ADCY1: variants seen among roughly 807,000 people sequenced by gnomAD.
The protein encoded by ADCY1 is adenylate cyclase 1.
In ADCY1, 28 loss-of-function variants were observed where a neutral mutation model predicts 105.4. That is an observed-to-expected ratio of 0.27 (90% CI 0.20 to 0.36). ADCY1 has a LOEUF of 0.36. ADCY1 is among the 10% of genes least tolerant of loss of function. The pLI is 1.00. For missense variants in ADCY1, 977 were observed against 1,434.2 expected (o/e 0.68, Z 5.15); for synonymous variants, 655 against 623.8 (o/e 1.05, Z -0.75).
At chr7:45,704,358 T>A (rs950096946) in intron 16 of ADCY1, among the ~76,000 whole-genome samples, 160 bp from the exon 17 acceptor site, 2 of 152,196 alleles carry the variant, frequency 1.3e-5, no homozygotes, top group Non-Finnish European at 2.9e-5. Context: ...TCACCTCTTC[T>A]TGCCAGTGTA....
chr7:45,660,534 G>C (rs903460161), intron 7 of ADCY1, among the ~76,000 whole-genome samples: 119 of 152,348 alleles, frequency 7.8e-4, no homozygotes, highest in Non-Finnish European at 2.9e-5. Context: ...GAACTGAGGG[G>C]TGCTGGGCAC....
chr7:45,699,032 G>A (rs1168831975), intron 14 of ADCY1, among the ~76,000 whole-genome samples: 1 of 152,204 alleles, frequency 6.6e-6, no homozygotes, highest in Non-Finnish European at 1.5e-5. Flanking sequence ...ACCAACTCAT[G>A]GTGTGAGGCC....
chr7:45,603,761 A>G (rs1793305448), intron 2 of ADCY1, among the ~76,000 whole-genome samples: 2 of 152,238 alleles, frequency 1.3e-5, no homozygotes. Flanking sequence ...CATTTCTTTA[A>G]ATTTGTGATT....
intron 14 of ADCY1, among the ~76,000 whole-genome samples, chr7:45,689,721 T>G (rs916118098): frequency 6.6e-6 from 1 of 152,182 alleles, no homozygotes; most frequent in African/African-American, 2.4e-5. Flanking sequence ...ACCAGAGGAA[T>G]GCAGGCTGTG....
chr7:45,655,440 TC>T (rs780910737), intron 5 of ADCY1, among the ~76,000 whole-genome samples: 1 of 152,148 alleles, frequency 6.6e-6, no homozygotes, highest in Non-Finnish European at 1.5e-5. Flanking sequence ...GCCAAGAAAG[TC>T]CGTGGAAATT....
At chr7:45,676,450 G>C (rs1284278808) in intron 8 of ADCY1, among the ~76,000 whole-genome samples, 1 of 151,958 alleles carries the variant, frequency 6.6e-6, no homozygotes, top group Non-Finnish European at 1.5e-5. Flanking sequence ...AGACATTTGG[G>C]TATTATGTTG....
At position 45,577,868 on chromosome 7, in the gene ADCY1, C is replaced by A. The variant is rs933450606; in HGVS notation, c.639+2686C>A. On this transcript the variant is annotated intron_variant, in intron 1 of 19. Coordinates refer to ENST00000297323, the MANE Select transcript of ADCY1 (RefSeq NM_021116.4). Reference sequence around the variant, plus strand: ...GAATCCCACCCCTTTCTCTGAGACCCAAATGCCTTCTTATCAAGGATAGCC... The same window carrying A: ...GAATCCCACCCCTTTCTCTGAGACCAAAATGCCTTCTTATCAAGGATAGCC... Among the ~76,000 whole-genome samples, 7 of 152,328 alleles carry A rather than the reference C, an allele frequency of 4.6e-5. No homozygotes were observed. In the East Asian group the frequency reaches 9.6e-4, roughly 21 times the overall value.
chr7:45,678,052 C>T lies in ADCY1; in HGVS notation c.1789C>T (p.Arg597Trp), dbSNP rs142005939. The change falls in exon 9 of 20, where the codon CGG (arginine) becomes TGG (tryptophan). Residue 597 changes from arginine (R) to tryptophan (W), a missense_variant. Around this residue, in one of 7 missense-constraint regions of ADCY1, gnomAD observed 275 missense variants for 362.1 expected, o/e 0.76. Coordinates refer to ENST00000297323, the MANE Select transcript of ADCY1 (RefSeq NM_021116.4). The stretch of plus-strand genomic sequence containing the variant: ...TACCCTGAAGTACAAACATGTCGAA[C>T]GGGAGCAAAAGGTAAGCAACTCTGG... ...FFTLKYKHVE[R>W]EQKYHQLQDE... 393 of 1,614,018 alleles carry T rather than the reference C, an allele frequency of 2.4e-4. 3 individuals carry two copies. In the East Asian group the frequency reaches 7.9e-3, roughly 32 times the overall value.
At chr7:45,641,011 T>C (rs577259739) in intron 4 of ADCY1, among the ~76,000 whole-genome samples, 106 of 152,336 alleles carry the variant, frequency 7.0e-4, no homozygotes, top group African/African-American at 2.5e-3. Context: ...GACATTATTA[T>C]GGCTTGTGTT....
intron 2 of ADCY1, among the ~76,000 whole-genome samples, chr7:45,607,476 CA>C: frequency 6.6e-6 from 1 of 152,254 alleles, no homozygotes; most frequent in Middle Eastern, 3.4e-3. Context: ...ATTGAGGGTA[CA>C]TGTGCAGGTT....
At chr7:45,658,117 CAAAA>C (rs914308846) in intron 6 of ADCY1, among the ~76,000 whole-genome samples, 10 of 152,226 alleles carry the variant, frequency 6.6e-5, no homozygotes, top group African/African-American at 2.4e-4. Flanking sequence ...CGCACATCTA[CAAAA>C]AGCTGTCATT....
chr7:45,630,968 T>A (rs994852997), intron 4 of ADCY1, among the ~76,000 whole-genome samples: 1 of 152,182 alleles, frequency 6.6e-6, no homozygotes, highest in African/African-American at 2.4e-5. Flanking sequence ...GATTTCAGTC[T>A]CCTTATTCAA....
intron 1 of ADCY1, among the ~76,000 whole-genome samples, chr7:45,582,671 T>G (rs991451738): frequency 6.6e-6 from 1 of 152,116 alleles, no homozygotes; most frequent in Non-Finnish European, 1.5e-5. Context: ...CTTTAACCCT[T>G]CAGCTCCCTG....
At chr7:45,612,882 T>C (rs1793628627) in intron 3 of ADCY1, among the ~76,000 whole-genome samples, 1 of 152,012 alleles carries the variant, frequency 6.6e-6, no homozygotes, top group Non-Finnish European at 1.5e-5. Context: ...CAGCACAGAA[T>C]GAACAGACAA....
chr7:45,585,130 T>G (rs1462756941), intron 1 of ADCY1, among the ~76,000 whole-genome samples: 1 of 152,226 alleles, frequency 6.6e-6, no homozygotes, highest in Admixed American at 6.5e-5. Context: ...GAATAGCCTC[T>G]TCTTAAGAGA....
At chr7:45,607,984 G>T (rs1793427628) in intron 2 of ADCY1, among the ~76,000 whole-genome samples, 1 of 152,234 alleles carries the variant, frequency 6.6e-6, no homozygotes, top group African/African-American at 2.4e-5. Context: ...TTTGATGGCA[G>T]TGCTGTTTTA....
At chr7:45,677,121 C>T (rs756531580) in intron 8 of ADCY1, among the ~76,000 whole-genome samples, 4 of 152,080 alleles carry the variant, frequency 2.6e-5, no homozygotes, top group Non-Finnish European at 5.9e-5. Context: ...CTCTTCTTTC[C>T]ACCTTTCACA....
intron 3 of ADCY1, among the ~76,000 whole-genome samples, chr7:45,617,571 A>G (rs1793770669): frequency 6.6e-6 from 1 of 152,254 alleles, no homozygotes; most frequent in East Asian, 1.9e-4. Context: ...TAGGAAATCA[A>G]TGTACGAAAA....
rs149589767 is a variant in ADCY1, at chr7:45,660,102, G to A, written c.1368G>A (p.Pro456=). The change falls in exon 7 of 20, where the codon CCG becomes CCA. Residue 456 remains proline (P), a synonymous_variant. Coordinates refer to ENST00000297323, the MANE Select transcript of ADCY1 (RefSeq NM_021116.4). ...TGAATGGGGACTACGAGGTAGAACC[G>A]GGTTACGGACATGAGAGGAACAGTT... ...ACLNGDYEVE[P]GYGHERNSFL... The A allele has an allele frequency of 1.5e-5, 25 of 1,614,088 alleles. No individual in the cohort carries two copies. The highest frequency in any genetic ancestry group is 1.1e-4 in the African/African-American group (8 of 74,934).
Sources: gnomAD v4.1 joint callset for allele counts (sites outside exome capture counted in the v4.1 genomes callset) on GRCh38, gnomAD v4.1.1 for gene constraint, gnomAD v4.1.1 regional missense constraint, MANE v1.5 for transcripts, NCBI Gene and HGNC (gene_info 2026-07-23, HGNC 2026-07-21) for gene names.